DMD: variants seen among roughly 807,000 people sequenced by gnomAD.
The protein encoded by DMD is mutant dystrophin.
A neutral mutation model predicts 330.1 loss-of-function variants in DMD; 63 were observed. The ratio of observed to expected loss-of-function variants is 0.19; its 90% CI spans 0.16 to 0.24. DMD has a LOEUF of 0.24. DMD is among the 10% of genes least tolerant of loss of function. The probability of loss-of-function intolerance (pLI) is 1.00; values close to 1 mark genes in which losing one functional copy is unlikely to be tolerated. For missense variants in DMD, 3,344 were observed against 2,684.1 expected, an observed-to-expected ratio of 1.25 and a Z score of -5.43; for synonymous variants, 1,223 against 959.8, an observed-to-expected ratio of 1.27 and a Z score of -5.07.
At chrX:32,515,747 T>C (rs1226566079) in intron 18 of DMD, among the ~76,000 whole-genome samples, 1 of 111,660 alleles carries the variant, frequency 9.0e-6, no homozygotes, top group African/African-American at 3.3e-5. Flanking sequence ...GAATCACTCC[T>C]GGAAAATGTT....
At chrX:32,552,786 T>C (rs1440761326) in intron 16 of DMD, among the ~76,000 whole-genome samples, 1 of 111,723 alleles carries the variant, frequency 9.0e-6, no homozygotes, top group Non-Finnish European at 1.9e-5. Flanking sequence ...GAAAAAGACA[T>C]ACATACAGAA....
chrX:31,516,450 G>A (rs1371804879), intron 55 of DMD, among the ~76,000 whole-genome samples: 2 of 111,087 alleles, frequency 1.8e-5, no homozygotes, highest in Non-Finnish European at 3.8e-5. Flanking sequence ...ACAAGAGGGT[G>A]TGACTGTTTT....
At chrX:31,707,449 T>C (rs748303264) in intron 52 of DMD, among the ~76,000 whole-genome samples, 140 of 110,236 alleles carry the variant, frequency 1.3e-3, no homozygotes, top group African/African-American at 3.9e-3. Context: ...ACGGGAACAA[T>C]AGACCCTGGG....
intron 44 of DMD, among the ~76,000 whole-genome samples, chrX:32,054,107 G>T (rs1202188686): frequency 9.6e-6 from 1 of 104,405 alleles, no homozygotes; most frequent in Non-Finnish European, 2.0e-5. Flanking sequence ...GAGAGAGAGA[G>T]AGAGAGAGAG....
At chrX:31,873,565 GA>G (rs1203572049) in intron 48 of DMD, among the ~76,000 whole-genome samples, 3 of 111,593 alleles carry the variant, frequency 2.7e-5, no homozygotes, top group Non-Finnish European at 3.8e-5. Flanking sequence ...TTAAATAAAA[GA>G]AAAAACTACT....
chrX:32,295,004 C>T (rs1470773090), intron 42 of DMD, among the ~76,000 whole-genome samples: 1 of 111,328 alleles, frequency 9.0e-6, no homozygotes, highest in African/African-American at 3.3e-5. Context: ...CTATTTCTCT[C>T]CCTGAATAGT....
chrX:31,393,304 C>G (rs1025442545), intron 60 of DMD, among the ~76,000 whole-genome samples: 3 of 109,949 alleles, frequency 2.7e-5, no homozygotes, highest in African/African-American at 9.9e-5. Flanking sequence ...TGGTGAAACC[C>G]GGTCTCCACT....
intron 42 of DMD, 43 bp downstream of exon 42, chrX:32,310,039 A>G (rs1266702491): frequency 9.0e-7 from 1 of 1,109,081 alleles, no homozygotes; most frequent in East Asian, 3.0e-5. Context: ...AATGATCAGT[A>G]TGATCACCTT....
At chrX:32,392,041 T>C (rs1253853968) in intron 30 of DMD, among the ~76,000 whole-genome samples, 3 of 111,232 alleles carry the variant, frequency 2.7e-5, no homozygotes, top group East Asian at 5.7e-4. Context: ...CTCAGAAAAT[T>C]AGAATTGACA....
chrX:31,755,497 G>A (rs2088991374), intron 51 of DMD, among the ~76,000 whole-genome samples: 1 of 111,595 alleles, frequency 9.0e-6, no homozygotes, highest in South Asian at 3.7e-4. Flanking sequence ...ACCTGAGAGT[G>A]AGGGTATGGG....
chrX:32,031,606 C>T (rs1170736989), intron 44 of DMD, among the ~76,000 whole-genome samples: 5 of 111,503 alleles, frequency 4.5e-5, no homozygotes, highest in East Asian at 2.8e-4. Context: ...AATGAAATAA[C>T]GAAAGTAAAA....
At chrX:31,352,997 A>G (rs1341840266) in intron 60 of DMD, among the ~76,000 whole-genome samples, 1 of 111,901 alleles carries the variant, frequency 8.9e-6, no homozygotes, top group East Asian at 2.8e-4. Context: ...CAAAAGCCAG[A>G]AATGATATAC....
intron 1 of DMD, among the ~76,000 whole-genome samples, chrX:33,209,730 G>T (rs944725799): frequency 9.0e-6 from 1 of 110,819 alleles, no homozygotes; most frequent in Non-Finnish European, 1.9e-5. Flanking sequence ...TTTAAATGCA[G>T]CGTGAAAAAA....
chrX:31,858,062 C>CA (rs2093644105), intron 48 of DMD, among the ~76,000 whole-genome samples: 1 of 105,533 alleles, frequency 9.5e-6, no homozygotes, highest in African/African-American at 3.5e-5. Flanking sequence ...GTACAGCTGA[C>CA]AAAAAAATGC....
At chrX:32,521,288 G>A (rs2046395252) in intron 17 of DMD, among the ~76,000 whole-genome samples, 1 of 111,885 alleles carries the variant, frequency 8.9e-6, no homozygotes, top group Non-Finnish European at 1.9e-5. Context: ...CCCTGCCTCA[G>A]CCTCCCAAGT....
intron 1 of DMD, among the ~76,000 whole-genome samples, chrX:33,239,536 G>T (rs189013621): frequency 9.1e-6 from 1 of 110,394 alleles, no homozygotes; most frequent in Non-Finnish European, 1.9e-5. Flanking sequence ...AATTCTGTTC[G>T]CCCTGATCAG....
intron 7 of DMD, among the ~76,000 whole-genome samples, chrX:32,712,758 ACT>A (rs1161963567): frequency 9.0e-6 from 1 of 111,251 alleles, no homozygotes; most frequent in Non-Finnish European, 1.9e-5. Context: ...AGGTTTTATT[ACT>A]GTTTAATGGT....
intron 7 of DMD, among the ~76,000 whole-genome samples, chrX:32,766,122 A>C (rs2072950410): frequency 9.0e-6 from 1 of 111,371 alleles, no homozygotes; most frequent in South Asian, 3.8e-4. Flanking sequence ...TTTTGAAATC[A>C]GGACGTATGA....
chrX:32,481,104 C>A (rs1033775090), intron 21 of DMD, among the ~76,000 whole-genome samples: 6 of 110,702 alleles, frequency 5.4e-5, no homozygotes, highest in African/African-American at 2.0e-4. Flanking sequence ...TAGAGACTAA[C>A]CATAGAGCTT....
Sources: allele counts gnomAD v4.1 joint callset (sites outside exome capture counted in the v4.1 genomes callset), GRCh38; gene constraint gnomAD v4.1.1; transcripts MANE v1.5; gene names NCBI Gene and HGNC (gene_info 2026-07-23, HGNC 2026-07-21).